Variants in GRAMD1B observed in about 807,000 individuals in gnomAD.
The protein encoded by GRAMD1B is protein Aster-B.
Under a neutral mutation model 99.7 loss-of-function variants are expected in GRAMD1B, and 37 were observed. That is an observed-to-expected ratio of 0.37 (90% CI 0.29 to 0.49). GRAMD1B has a LOEUF of 0.49. GRAMD1B is among the 20% of genes least tolerant of loss of function. The pLI is 0.98. For missense variants in GRAMD1B, 888 were observed against 1,009.2 expected (o/e 0.88, Z 1.63); for synonymous variants, 427 against 387.6 (o/e 1.10, Z -1.19).
chr11:123,521,123 A>G (rs1286552784), intron 2 of GRAMD1B, among the ~76,000 whole-genome samples: 1 of 152,210 alleles, frequency 6.6e-6, no homozygotes, highest in African/African-American at 2.4e-5. Context: ...AGAGTATGCA[A>G]TCATCCAACT....
intron 1 of GRAMD1B, among the ~76,000 whole-genome samples, chr11:123,478,414 C>T (rs1951414812): frequency 6.6e-6 from 1 of 152,186 alleles, no homozygotes; most frequent in Non-Finnish European, 1.5e-5. Context: ...TATTTGAAAC[C>T]AATACACAGT....
Position 123,608,821 on chromosome 11 carries a change from G to A in GRAMD1B, c.1657+19G>A, listed in dbSNP as rs1247307307. ...TTCTCTGGTCCGTTCTGCTGGGACT[G>A]TACCCCCCATTCCTCCCTCTTCATC... On this transcript the variant is annotated intron_variant, in intron 12 of 19. Transcript: ENST00000635736. 16 of 1,454,248 alleles carry A rather than the reference G, an allele frequency of 1.1e-5. No homozygotes were observed. Among genetic ancestry groups the A allele is most frequent in the Non-Finnish European group, 1.5e-5 (16 of 1,065,406 alleles). The allele number at this position is 1,454,248 out of a possible 1,614,324, so 90.1% of individuals were successfully genotyped here. A position where few individuals can be genotyped will look rare whatever the true frequency, so the allele number is the denominator to read the frequency against.
chr11:123,502,774 CAA>C (rs34321315), intron 2 of GRAMD1B, among the ~76,000 whole-genome samples: 299 of 98,468 alleles, frequency 3.0e-3, no homozygotes, highest in African/African-American at 7.5e-3. Context: ...GACTCCATCT[CAA>C]AAAAAAAAAA....
At chr11:123,613,859 A>T (rs559091337) in intron 16 of GRAMD1B, among the ~76,000 whole-genome samples, 2 of 152,116 alleles carry the variant, frequency 1.3e-5, no homozygotes, top group Non-Finnish European at 2.9e-5. Flanking sequence ...CTGAACCCAT[A>T]TGTGTGCTCT....
At chr11:123,360,538 G>T (rs569087460) in intron 1 of GRAMD1B, among the ~76,000 whole-genome samples, 87 of 152,148 alleles carry the variant, frequency 5.7e-4, no homozygotes, top group Non-Finnish European at 1.0e-3. Context: ...TTTTCCGTCC[G>T]TGCTCAAAAG....
At chr11:123,577,271 C>A in intron 2 of GRAMD1B, 96 bp from the exon 3 acceptor site, 1 of 1,030,008 alleles carries the variant, frequency 9.7e-7, no homozygotes, top group Non-Finnish European at 1.5e-6. Flanking sequence ...CCTGAGCTGG[C>A]TCCTTTGGGC....
rs1415869968 is a variant in GRAMD1B at position 123,431,078 on chromosome 11, T to C, written c.286T>C (p.Ser96Pro). ...CGAGGACACCCCGTGGTCCAACTGCTCCACACCCAGCGCGTCCCCGCGCCG... is the reference window on the plus strand; with the variant it reads ...CGAGGACACCCCGTGGTCCAACTGCCCCACACCCAGCGCGTCCCCGCGCCG... ...SDEDTPWSNCSTPSASPRRKR... is the reference protein window; with the variant it reads ...SDEDTPWSNCPTPSASPRRKR... Residue 96 changes from serine (S) to proline (P), a missense_variant, in exon 1 of 20, where the codon TCC becomes CCC. By Grantham distance (74) the Ser-to-Pro change is moderately conservative (BLOSUM62 -1). This residue lies in a region of GRAMD1B where 233 missense variants were observed against 154.6 expected (regional missense o/e 1.51). Coordinates refer to ENST00000635736, the MANE Select transcript of GRAMD1B (RefSeq NM_001387025.1). 2 of 702,870 alleles carry C rather than the reference T, an allele frequency of 2.8e-6. No individual in the cohort carries two copies. Among genetic ancestry groups the C allele is most frequent in the South Asian group, 1.5e-5 (1 of 67,588 alleles). The allele number at this position is 702,870 out of a possible 1,614,324, so 43.5% of individuals were successfully genotyped here.
rs748868785 is a variant in GRAMD1B at position 123,577,392 on chromosome 11, A to C, written c.478A>C (p.Thr160Pro). 1 of 1,591,790 alleles carries C rather than the reference A, an allele frequency of 6.3e-7. No individual in the cohort carries two copies. Among genetic ancestry groups the C allele is most frequent in the Non-Finnish European group, 8.5e-7 (1 of 1,169,680 alleles). Residue 160 changes from threonine to proline, a missense_variant, in exon 3 of 20, where the codon ACG (threonine) becomes CCG (proline). Thr to Pro is a conservative substitution (Grantham distance 38, BLOSUM62 -1). Transcript: ENST00000635736. ...ESTASNSNRSTPACSPILRKR... is the reference protein window; with the variant it reads ...ESTASNSNRSPPACSPILRKR... The stretch of plus-strand genomic sequence containing the variant: ...CACTGCCAGTAACTCCAACCGCAGC[A>C]CGCCGGCCTGCTCGCCCATCCTCCG...
At position 123,594,069 on chromosome 11, in the gene GRAMD1B, T is replaced by C. The variant is rs1950976387; in HGVS notation, c.685-13T>C. On this transcript the variant is annotated splice_polypyrimidine_tract_variant and intron_variant, in intron 4 of 19. Coordinates refer to ENST00000635736, the MANE Select transcript of GRAMD1B (RefSeq NM_001387025.1). ...CGGGGTACATCCTACTAACCTTGGC[T>C]ATTGTCACGCAGGTGTTAAGCCCCA... 1 of 1,588,322 alleles carries C rather than the reference T, an allele frequency of 6.3e-7. No homozygotes were observed. The highest frequency in any genetic ancestry group is 1.3e-5 in the African/African-American group (1 of 74,458).
In GRAMD1B at chr11:123,606,760, C is replaced by T; in HGVS notation, c.1475C>T (p.Pro492Leu). The T allele has an allele frequency of 1.2e-6, 2 of 1,613,760 alleles. No homozygotes were observed. Among genetic ancestry groups the T allele is most frequent in the Non-Finnish European group, 1.7e-6 (2 of 1,179,778 alleles). ...GACTTCAATGACAATGAGGACATCC[C>T]CACTGAGCTCAGTGACTCTTCCGAC... Reference protein sequence around the residue: ...SLDFNDNEDIPTELSDSSDTH... With the variant: ...SLDFNDNEDILTELSDSSDTH... Residue 492 changes from proline to leucine, a missense_variant, in exon 11 of 20, where the codon CCC becomes CTC. Pro to Leu is a moderately conservative substitution (Grantham distance 98). This residue lies in a region of GRAMD1B where 269 missense variants were observed against 296.6 expected (regional missense o/e 0.91). Transcript: ENST00000635736.
At chr11:123,511,270 C>T (rs1591762008) in intron 2 of GRAMD1B, among the ~76,000 whole-genome samples, 1 of 152,240 alleles carries the variant, frequency 6.6e-6, no homozygotes, top group African/African-American at 2.4e-5. Context: ...CAGACGTTGG[C>T]CTTGGGATTG....
chr11:123,474,820 C>T (rs1056953508), intron 1 of GRAMD1B, among the ~76,000 whole-genome samples: 4 of 152,204 alleles, frequency 2.6e-5, no homozygotes, highest in Non-Finnish European at 2.9e-5. Context: ...GAGAGATTGC[C>T]TCAGTTGCAG....
intron 1 of GRAMD1B, among the ~76,000 whole-genome samples, chr11:123,439,925 G>C (rs1350192669): frequency 1.3e-5 from 2 of 152,170 alleles, no homozygotes; most frequent in African/African-American, 2.4e-5. Flanking sequence ...ATGGAGCTGA[G>C]GGAGATGACT....
At chr11:123,596,382 G>A (rs1259507163) in intron 7 of GRAMD1B, among the ~76,000 whole-genome samples, 1 of 152,208 alleles carries the variant, frequency 6.6e-6, no homozygotes, top group Non-Finnish European at 1.5e-5. Flanking sequence ...TCACATATAT[G>A]AAAACATATA....
chr11:123,414,048 T>TCA (rs1948143813), intron 1 of GRAMD1B, among the ~76,000 whole-genome samples: 1 of 96,382 alleles, frequency 1.0e-5, no homozygotes, highest in African/African-American at 5.7e-5. Context: ...ATCATCATCA[T>TCA]TTTTTTTTTT....
At chr11:123,577,240 C>A in intron 2 of GRAMD1B, 127 bp from the exon 3 acceptor site, 1 of 795,370 alleles carries the variant, frequency 1.3e-6, no homozygotes. Flanking sequence ...CCCGGTTTCT[C>A]CCCAGCCCCT....
chr11:123,405,984 T>G (rs1057150145), intron 1 of GRAMD1B, among the ~76,000 whole-genome samples: 9 of 152,176 alleles, frequency 5.9e-5, no homozygotes, highest in South Asian at 4.1e-4. Context: ...TGCTTCTTAT[T>G]GTGGGTCACA....
At position 123,622,571 on chromosome 11, in the gene GRAMD1B, A is replaced by G. The variant is rs368469936; in HGVS notation, c.2610A>G (p.Glu870=). The G allele has an allele frequency of 1.3e-6, 2 of 1,555,022 alleles. No homozygotes were observed. Among genetic ancestry groups the G allele is most frequent in the African/African-American group, 2.7e-5 (2 of 73,136 alleles). The part of the protein sequence containing the change: ...IRSRDYTSES[E]EKRNRYH Reference sequence around the variant, plus strand: ...CCCGCGACTACACGTCGGAAAGTGAAGAAAAGAGGAATCGCTATCATTGAC... The same window carrying G: ...CCCGCGACTACACGTCGGAAAGTGAGGAAAAGAGGAATCGCTATCATTGAC... Residue 870 remains glutamate (E), a synonymous_variant, in exon 20 of 20, where the codon GAA becomes GAG. Coordinates refer to ENST00000635736, the MANE Select transcript of GRAMD1B (RefSeq NM_001387025.1).
At chr11:123,575,272 G>T (rs1420891888) in intron 2 of GRAMD1B, among the ~76,000 whole-genome samples, 2 of 152,134 alleles carry the variant, frequency 1.3e-5, no homozygotes, top group Admixed American at 1.3e-4. Flanking sequence ...CCATTCCAGG[G>T]TCTGGAATTT....
Sources: gnomAD v4.1 joint callset for allele counts (sites outside exome capture counted in the v4.1 genomes callset) on GRCh38, gnomAD v4.1.1 for gene constraint, gnomAD v4.1.1 regional missense constraint, MANE v1.5 for transcripts, NCBI Gene and HGNC (gene_info 2026-07-23, HGNC 2026-07-21) for gene names.